DYM: variants seen among roughly 807,000 people sequenced by gnomAD.
DYM encodes dyggve-Melchior-Clausen syndrome protein.
In DYM, 78 loss-of-function variants were observed where a neutral mutation model predicts 93.1. That is an observed-to-expected ratio of 0.84 (90% CI 0.70 to 1.01). The LOEUF (loss-of-function observed/expected upper bound fraction) is 1.01. Ranked by LOEUF, DYM falls within the 50% of genes least tolerant of loss-of-function variation. The pLI is 0.00. For synonymous variants in DYM, 321 were observed against 319.7 expected, an observed-to-expected ratio of 1.00 and a Z score of -0.04; for missense variants, 789 against 845.0, an observed-to-expected ratio of 0.93 and a Z score of 0.82.
chr18:49,098,815 T>A (rs553107088), intron 16 of DYM, among the ~76,000 whole-genome samples: 10 of 152,362 alleles, frequency 6.6e-5, no homozygotes, highest in African/African-American at 2.4e-4. Flanking sequence ...TTGATTTTTA[T>A]AATATAGTGA....
chr18:49,158,071 C>T (rs1362721321), intron 15 of DYM, among the ~76,000 whole-genome samples: 1 of 152,120 alleles, frequency 6.6e-6, no homozygotes, highest in African/African-American at 2.4e-5. Flanking sequence ...AAGCATAACA[C>T]CTGGAATGTT....
intron 1 of DYM, among the ~76,000 whole-genome samples, chr18:49,435,822 T>C (rs1024783343): frequency 6.6e-6 from 1 of 151,892 alleles, no homozygotes; most frequent in African/African-American, 2.4e-5. Context: ...CAAAAAAGAA[T>C]CTACATGTCC....
At chr18:49,428,226 G>C (rs968798999) in intron 2 of DYM, among the ~76,000 whole-genome samples, 2 of 151,868 alleles carry the variant, frequency 1.3e-5, no homozygotes, top group African/African-American at 4.8e-5. Context: ...GGGGTGCTGA[G>C]GATTTCTTGA....
chr18:49,389,312 GTC>G (rs1190085646), intron 3 of DYM, among the ~76,000 whole-genome samples: 1 of 151,500 alleles, frequency 6.6e-6, no homozygotes. Context: ...GTGTGTGTGT[GTC>G]TGTGTGTGTG....
chr18:49,381,268 T>C (rs1350644376), intron 3 of DYM, among the ~76,000 whole-genome samples: 2 of 152,154 alleles, frequency 1.3e-5, no homozygotes, highest in African/African-American at 4.8e-5. Context: ...TTCCAGAATA[T>C]TTTTTTAAAA....
intron 8 of DYM, among the ~76,000 whole-genome samples, chr18:49,287,367 G>A (rs2059731372): frequency 6.7e-6 from 1 of 150,126 alleles, no homozygotes; most frequent in South Asian, 2.1e-4. Context: ...CTTAAAATTA[G>A]TTTCTGATTT....
In DYM at chr18:49,331,934, T is replaced by G. The variant is rs780158090; in HGVS notation, c.693A>C (p.Pro231=). 4.3e-6 allele frequency: 7 copies of G among 1,613,616 alleles called. No homozygotes were observed. In the South Asian group the frequency reaches 6.6e-5, roughly 15 times the overall value. ...NFIRQEKPPP[P]GAHVFPQQSD... is the part of the protein sequence containing the mutation. ...ACTGCTGAGGGAAAACATGGGCCCC[T>G]GGAGGAGGTGGCTTTTCTTGTCTGA... The change falls in exon 8 of 18, where the codon CCA becomes CCC. Residue 231 remains proline, a synonymous_variant. Transcript: ENST00000675505.
chr18:49,211,787 G>C (rs905614521), intron 13 of DYM, among the ~76,000 whole-genome samples: 14 of 152,266 alleles, frequency 9.2e-5, no homozygotes, highest in Non-Finnish European at 1.8e-4. Flanking sequence ...CTCTGAAATA[G>C]AGAAAGTCTT....
chr18:49,438,890 C>T (rs1404678985), intron 1 of DYM, among the ~76,000 whole-genome samples: 4 of 152,196 alleles, frequency 2.6e-5, no homozygotes, highest in South Asian at 2.1e-4. Flanking sequence ...GCACAATCGT[C>T]GGCTCCCAAT....
intron 16 of DYM, among the ~76,000 whole-genome samples, chr18:49,118,441 A>G (rs1414443502): frequency 6.6e-6 from 1 of 152,166 alleles, no homozygotes; most frequent in Non-Finnish European, 1.5e-5. Context: ...GATAGAAATT[A>G]AAATGTGAGA....
chr18:49,307,231 A>G (rs543075460), intron 8 of DYM, among the ~76,000 whole-genome samples: 5 of 152,218 alleles, frequency 3.3e-5, no homozygotes, highest in African/African-American at 4.8e-5. Context: ...GGCTTCAACA[A>G]AAGTCCAAAA....
chr18:49,362,472 G>A (rs923031364), intron 6 of DYM, among the ~76,000 whole-genome samples: 1 of 152,132 alleles, frequency 6.6e-6, no homozygotes, highest in African/African-American at 2.4e-5. Context: ...AGTCCAGGAT[G>A]AAAAAAGGTG....
intron 10 of DYM, among the ~76,000 whole-genome samples, chr18:49,281,652 A>AG (rs1454313159): frequency 3.3e-5 from 5 of 152,200 alleles, no homozygotes; most frequent in African/African-American, 9.7e-5. Flanking sequence ...TGTCCTTTGT[A>AG]GGGACATGGA....
At chr18:49,424,701 G>C (rs1480140705) in intron 2 of DYM, among the ~76,000 whole-genome samples, 1 of 152,108 alleles carries the variant, frequency 6.6e-6, no homozygotes, top group African/African-American at 2.4e-5. Flanking sequence ...AAAGTCTCAG[G>C]ATACAAAATC....
chr18:49,429,477 G>A (rs932678527), intron 2 of DYM, among the ~76,000 whole-genome samples: 4 of 152,056 alleles, frequency 2.6e-5, no homozygotes, highest in African/African-American at 4.8e-5. Flanking sequence ...CATTATTATT[G>A]TCTGACAGTT....
At position 49,430,459 on chromosome 18, in the gene DYM, A is replaced by C. The variant is rs2074707982; in HGVS notation, c.-53-12T>G. On this transcript the variant is annotated splice_polypyrimidine_tract_variant and intron_variant, in intron 1 of 17. Transcript: ENST00000675505. Reference sequence around the variant, plus strand: ...TTCCAAAAGACAACCTATAAAAAATAAAAATAAAAACTTTAAACTTGTTCA... The same window carrying C: ...TTCCAAAAGACAACCTATAAAAAATCAAAATAAAAACTTTAAACTTGTTCA... 6.3e-7 allele frequency: 1 copy of C among 1,597,662 alleles called. No individual in the cohort carries two copies.
At chr18:49,379,569 A>AT in intron 4 of DYM, 96 bp downstream of exon 4, 1 of 1,099,802 alleles carries the variant, frequency 9.1e-7, no homozygotes. Context: ...CTTCACAGAG[A>AT]TTTTCAAAAG....
intron 6 of DYM, among the ~76,000 whole-genome samples, chr18:49,359,135 C>T (rs960666741): frequency 1.3e-5 from 2 of 152,110 alleles, no homozygotes; most frequent in Non-Finnish European, 2.9e-5. Context: ...TAGAACACTC[C>T]ATATTAGTGT....
intron 17 of DYM, among the ~76,000 whole-genome samples, chr18:49,050,679 C>T (rs1189059890): frequency 6.6e-6 from 1 of 152,058 alleles, no homozygotes; most frequent in Admixed American, 6.5e-5. Context: ...CTGACTAGAG[C>T]TGCCATGTAC....
Sources: allele counts gnomAD v4.1 joint callset (sites outside exome capture counted in the v4.1 genomes callset), GRCh38; gene constraint gnomAD v4.1.1; transcripts MANE v1.5; gene names NCBI Gene and HGNC (gene_info 2026-07-23, HGNC 2026-07-21).